Variants in LRIG2 observed in about 807,000 individuals in gnomAD.
LRIG2 encodes the protein leucine rich repeats and immunoglobulin like domains 2.
Under a neutral mutation model 107.8 loss-of-function variants are expected in LRIG2, and 93 were observed. The ratio of observed to expected loss-of-function variants is 0.86; its 90% CI spans 0.73 to 1.03. The LOEUF (loss-of-function observed/expected upper bound fraction) is 1.03, where lower values mean the gene tolerates loss of function less well. LRIG2 is among the 50% of genes least tolerant of loss of function. The probability of loss-of-function intolerance (pLI) is 0.00; values close to 1 mark genes in which losing one functional copy is unlikely to be tolerated. For synonymous variants in LRIG2, 471 were observed against 470.6 expected, an observed-to-expected ratio of 1.00 and a Z score of -0.01; for missense variants, 1,226 against 1,296.0, an observed-to-expected ratio of 0.95 and a Z score of 0.83.
At chr1:113,123,761 G>T in intron 17 of LRIG2, 114 bp from the exon 18 acceptor site, 13 of 678,224 alleles carry the variant, frequency 1.9e-5, no homozygotes, top group Non-Finnish European at 2.3e-5. Context: ...GTGTGTGTGT[G>T]ATTTCAGTGT....
chr1:113,106,984 A>T lies in LRIG2; in HGVS notation c.1314-610A>T, dbSNP rs1231967868. On this transcript the variant is annotated intron_variant, in intron 11 of 17. Transcript: ENST00000361127. ...TTAACACCCCATACCCTTTATCTAG[A>T]TTCACCAATTGTTAACTTTTTGCTG... 2.0e-5 allele frequency among the ~76,000 whole-genome samples: 3 copies of T among 152,128 alleles called. No individual in the cohort carries two copies. The East Asian group carries it at 5.8e-4, about 29-fold the overall frequency.
At chr1:113,112,841 A>G in intron 14 of LRIG2, 81 bp downstream of exon 14, 2 of 1,305,638 alleles carry the variant, frequency 1.5e-6, no homozygotes, top group Non-Finnish European at 2.1e-6. Flanking sequence ...AAGAAAAATA[A>G]GTTTGAGATT....
chr1:113,116,413 GAT>G lies in LRIG2; in HGVS notation c.2663_2664del (p.Ile888ThrfsTer5). ...CAGCAACTTATGCCTCCTGCCAATG[GAT>G]ATATACACAAAGGCACTGACGGTAA... On this transcript the variant is annotated frameshift_variant, in exon 16 of 18. Coordinates refer to ENST00000361127, the MANE Select transcript of LRIG2 (RefSeq NM_014813.3). LOFTEE classifies it high-confidence loss of function. 1 of 1,605,896 alleles carries G rather than the reference GAT, an allele frequency of 6.2e-7. No individual in the cohort carries two copies. Among genetic ancestry groups the G allele is most frequent in the Non-Finnish European group, 8.5e-7 (1 of 1,177,418 alleles).
At chr1:113,116,231 T>G in intron 15 of LRIG2, 56 bp from the exon 16 acceptor site, 1 of 1,512,600 alleles carries the variant, frequency 6.6e-7, no homozygotes, top group Non-Finnish European at 9.0e-7. Context: ...AAAATAGTCT[T>G]CTGAGTGTTG....
chr1:113,122,798 A>T (rs1228376596), intron 17 of LRIG2, among the ~76,000 whole-genome samples: 1 of 152,230 alleles, frequency 6.6e-6, no homozygotes, highest in African/African-American at 2.4e-5. Context: ...CTAGCAAATC[A>T]GAGTCTACAT....
chr1:113,087,795 C>T (rs887343152), intron 1 of LRIG2, among the ~76,000 whole-genome samples: 1 of 152,092 alleles, frequency 6.6e-6, no homozygotes, highest in Non-Finnish European at 1.5e-5. Flanking sequence ...TGAAATTAGG[C>T]GTAAAAGCTA....
intron 17 of LRIG2, among the ~76,000 whole-genome samples, chr1:113,120,996 C>A (rs1034437775): frequency 6.6e-6 from 1 of 151,308 alleles, no homozygotes; most frequent in African/African-American, 2.4e-5. Context: ...TTTTTTGTAT[C>A]TTTATAAGAT....
rs547484983 is a variant in LRIG2, at chr1:113,087,651, G to A, written c.240-3667G>A. Reference sequence around the variant, plus strand: ...GGTGTGAGCCACTGCGCCTGGCCCCGAAGTCTTCATATTTTAGTCTTCTGT... The same window carrying A: ...GGTGTGAGCCACTGCGCCTGGCCCCAAAGTCTTCATATTTTAGTCTTCTGT... On this transcript the variant is annotated intron_variant, in intron 1 of 17. Coordinates refer to ENST00000361127, the MANE Select transcript of LRIG2 (RefSeq NM_014813.3). 1.4e-4 allele frequency among the ~76,000 whole-genome samples: 22 copies of A among 152,154 alleles called. 1 individual carries two copies. Among genetic ancestry groups the A allele is most frequent in the Non-Finnish European group, 2.4e-4 (16 of 67,994 alleles).
chr1:113,126,435 CCTTG>C lies in LRIG2; in HGVS notation c.*2336_*2339del, dbSNP rs1352834803. ...CGCACTTTGTACCTGACCTAGGTGG[CCTTG>C]CAAATGTTGACTCAGATTGTGGATT... On this transcript the variant is annotated 3_prime_UTR_variant, in exon 18 of 18. Coordinates refer to ENST00000361127, the MANE Select transcript of LRIG2 (RefSeq NM_014813.3). The C allele has an allele frequency of 6.5e-6, 1 of 153,128 alleles. No individual in the cohort carries two copies. The highest frequency in any genetic ancestry group is 2.4e-5 in the African/African-American group (1 of 41,560). The allele number at this position is 153,128 out of a possible 1,614,324, so 9.5% of individuals were successfully genotyped here.
chr1:113,094,261 A>C, intron 4 of LRIG2, 78 bp from the exon 5 acceptor site: 1 of 1,048,876 alleles, frequency 9.5e-7, no homozygotes, highest in Non-Finnish European at 1.4e-6. Flanking sequence ...GCTTAGACAT[A>C]GATTTTTGGC....
chr1:113,075,333 T>C (rs1652926058), intron 1 of LRIG2, among the ~76,000 whole-genome samples: 1 of 152,186 alleles, frequency 6.6e-6, no homozygotes, highest in Non-Finnish European at 1.5e-5. Flanking sequence ...TTAAGAAGTA[T>C]TTATATATTT....
intron 6 of LRIG2, among the ~76,000 whole-genome samples, chr1:113,095,515 TCTC>T (rs1254192509): frequency 2.0e-5 from 3 of 151,078 alleles, no homozygotes; most frequent in African/African-American, 7.3e-5. Flanking sequence ...TTCAAGCGAT[TCTC>T]CTGCCTCAGC....
At chr1:113,103,833 T>TAGA (rs1654413489) in intron 11 of LRIG2, 1 of 152,176 alleles carries the variant, frequency 6.6e-6, no homozygotes, top group Admixed American at 6.5e-5. Flanking sequence ...TTCTCTGGAG[T>TAGA]TGGGCTAGAG....
intron 1 of LRIG2, among the ~76,000 whole-genome samples, chr1:113,085,263 G>C (rs1428241600): frequency 6.8e-6 from 1 of 147,870 alleles, no homozygotes; most frequent in Non-Finnish European, 1.5e-5. Context: ...AAATCAACTT[G>C]TAACTAAATT....
Position 113,075,353 on chromosome 1 carries a change from T to TAAC in LRIG2, c.239+1708_239+1709insAAC, listed in dbSNP as rs561644522. On this transcript the variant is annotated intron_variant, in intron 1 of 17. Transcript: ENST00000361127. ...AAGTATTTATATATTTGCAAATAGGTTAGCACAGATAGGAAAGAAAGCTAC... is the reference window on the plus strand; with the variant it reads ...AAGTATTTATATATTTGCAAATAGGTAACTAGCACAGATAGGAAAGAAAGCTAC... Among the ~76,000 whole-genome samples, 144 of 152,314 alleles carry TAAC rather than the reference T, an allele frequency of 9.5e-4. 5 individuals carry two copies. The East Asian group carries it at 0.024, about 25-fold the overall frequency.
At chr1:113,087,330 CATTT>C (rs1468157907) in intron 1 of LRIG2, among the ~76,000 whole-genome samples, 1 of 152,080 alleles carries the variant, frequency 6.6e-6, no homozygotes, top group Non-Finnish European at 1.5e-5. Flanking sequence ...TTGAAGTCTT[CATTT>C]ATTTGTTTAT....
At chr1:113,078,540 A>C (rs1234419961) in intron 1 of LRIG2, among the ~76,000 whole-genome samples, 2 of 151,756 alleles carry the variant, frequency 1.3e-5, no homozygotes, top group Non-Finnish European at 2.9e-5. Context: ...TGAGCTCACT[A>C]GCAGTGACTT....
At chr1:113,086,000 G>GTTTTTTTTTTTTTTTTTTTTTTTTTTT (rs34131524) in intron 1 of LRIG2, among the ~76,000 whole-genome samples, 1 of 65,002 alleles carries the variant, frequency 1.5e-5, no homozygotes, top group Non-Finnish European at 2.8e-5. Context: ...TAACCCTGAG[G>GTTTTTTTTTTTTTTTTTTTTTTTTTTT]TTTTTTTTTT....
intron 16 of LRIG2, among the ~76,000 whole-genome samples, chr1:113,117,913 TTTTG>T (rs1312945759): frequency 6.6e-6 from 1 of 151,556 alleles, no homozygotes; most frequent in African/African-American, 2.4e-5. Flanking sequence ...CATGATTTTT[TTTTG>T]TTTGTTTTTT....
Sources: gnomAD v4.1 joint callset for allele counts (sites outside exome capture counted in the v4.1 genomes callset) on GRCh38, gnomAD v4.1.1 for gene constraint, MANE v1.5 for transcripts, NCBI Gene and HGNC (gene_info 2026-07-23, HGNC 2026-07-21) for gene names.